Variants in PIAS4 observed in about 807,000 individuals in gnomAD.
PIAS4 encodes the protein protein inhibitor of activated STAT 4.
PIAS4 carries 7 observed loss-of-function variants against 58.0 expected under a neutral mutation model. The ratio of observed to expected loss-of-function variants is 0.12; its 90% CI spans 0.07 to 0.23. PIAS4 has a LOEUF of 0.23. PIAS4 is among the 10% of genes least tolerant of loss of function. The probability of loss-of-function intolerance (pLI) is 1.00; values close to 1 mark genes in which losing one functional copy is unlikely to be tolerated. For missense variants in PIAS4, 550 were observed against 709.5 expected, an observed-to-expected ratio of 0.78 and a Z score of 2.55; for synonymous variants, 364 against 312.4, an observed-to-expected ratio of 1.17 and a Z score of -1.74.
At chr19:4,021,749 T>C (rs968628363) in intron 2 of PIAS4, among the ~76,000 whole-genome samples, 22 of 146,504 alleles carry the variant, frequency 1.5e-4, no homozygotes, top group African/African-American at 2.8e-4. Context: ...TTTCTTTTTT[T>C]TTTTTTTTTT....
chr19:4,025,742 C>T (rs2040157262), intron 3 of PIAS4, among the ~76,000 whole-genome samples: 1 of 150,274 alleles, frequency 6.7e-6, no homozygotes, highest in South Asian at 2.1e-4. Context: ...CACTGGGTCC[C>T]TGCTGCAGAG....
chr19:4,029,920 T>A (rs1483081010), intron 7 of PIAS4, among the ~76,000 whole-genome samples: 1 of 144,284 alleles, frequency 6.9e-6, no homozygotes, highest in Non-Finnish European at 1.5e-5. Flanking sequence ...CCTCCTGGGT[T>A]CAAGCGATTC....
intron 7 of PIAS4, among the ~76,000 whole-genome samples, chr19:4,032,383 C>G (rs889343100): frequency 6.6e-6 from 1 of 152,144 alleles, no homozygotes; most frequent in African/African-American, 2.4e-5. Context: ...GGGGTCTCTC[C>G]TGAGCTACCC....
intron 7 of PIAS4, among the ~76,000 whole-genome samples, chr19:4,029,846 A>T (rs1288278838): frequency 8.6e-6 from 1 of 116,676 alleles, no homozygotes; most frequent in Non-Finnish European, 1.7e-5. Flanking sequence ...TTTTTGAGAC[A>T]GAGTCTCACT....
chr19:4,026,934 G>A lies in PIAS4; in HGVS notation c.540-1212G>A, dbSNP rs189008479. On this transcript the variant is annotated intron_variant, in intron 3 of 10. Transcript: ENST00000262971. ...ACGATCTTGGCTCACTGCAAGCTCT[G>A]CCTCCTGGGTTCACGCCATTCTCCT... Among the ~76,000 whole-genome samples, 173 of 152,052 alleles carry A rather than the reference G, an allele frequency of 1.1e-3. No homozygotes were observed. In the Middle Eastern group the frequency reaches 0.021, roughly 18 times the overall value.
At chr19:4,009,984 C>T (rs2039977268) in intron 1 of PIAS4, among the ~76,000 whole-genome samples, 1 of 152,136 alleles carries the variant, frequency 6.6e-6, no homozygotes, top group Admixed American at 6.5e-5. Flanking sequence ...TCTGAGGGGC[C>T]TATGCTGGAG....
Position 4,037,926 on chromosome 19 carries a change from G to T in PIAS4, c.*51G>T. Reference sequence around the variant, plus strand: ...GGTGCTCACCACGCAGAGGGGCACGGGCCAGCCTCGGGCGCAGAGGGAGGA... The same window carrying T: ...GGTGCTCACCACGCAGAGGGGCACGTGCCAGCCTCGGGCGCAGAGGGAGGA... On this transcript the variant is annotated 3_prime_UTR_variant, in exon 11 of 11. Transcript: ENST00000262971. This position sits in a 1 kb window ranked among gnomAD's most constrained non-coding sequence, Gnocchi z 5.8. The T allele has an allele frequency of 6.5e-7, 1 of 1,529,616 alleles. No homozygotes were observed. The highest frequency in any genetic ancestry group is 1.2e-5 in the South Asian group (1 of 82,626). The allele number at this position is 1,529,616 out of a possible 1,614,324, so 94.8% of individuals were successfully genotyped here. A position where few individuals can be genotyped will look rare whatever the true frequency, so the allele number is the denominator to read the frequency against.
chr19:4,033,002 C>T (rs528772051), intron 7 of PIAS4, 98 bp from the exon 8 acceptor site: 2 of 952,752 alleles, frequency 2.1e-6, no homozygotes, highest in Non-Finnish European at 3.3e-6. Flanking sequence ...GGGGCCTGTT[C>T]TGGGAGGTGG....
At chr19:4,007,936 T>G in intron 1 of PIAS4, 149 bp downstream of exon 1, 1 of 466,704 alleles carries the variant, frequency 2.1e-6, no homozygotes, top group South Asian at 1.0e-4. Flanking sequence ...CGACCCCCGG[T>G]CTCAGGGTGA....
chr19:4,031,720 CAG>C (rs993949590), intron 7 of PIAS4, among the ~76,000 whole-genome samples: 59 of 152,166 alleles, frequency 3.9e-4, no homozygotes, highest in Non-Finnish European at 6.9e-4. Context: ...CTGCTTCCCA[CAG>C]CCGGCCCCAG....
intron 2 of PIAS4, among the ~76,000 whole-genome samples, chr19:4,014,631 G>A (rs1317306755): frequency 6.6e-6 from 1 of 152,196 alleles, no homozygotes; most frequent in Non-Finnish European, 1.5e-5. Flanking sequence ...GGCACCAGGC[G>A]TGGGCACGCA....
intron 9 of PIAS4, among the ~76,000 whole-genome samples, chr19:4,034,759 G>A (rs2040258312): frequency 6.6e-6 from 1 of 152,210 alleles, no homozygotes; most frequent in African/African-American, 2.4e-5. Context: ...AGGCAGCTGT[G>A]TCCCATGCAG....
intron 3 of PIAS4, among the ~76,000 whole-genome samples, chr19:4,024,445 G>A (rs1327824535): frequency 2.0e-5 from 3 of 152,180 alleles, no homozygotes; most frequent in Non-Finnish European, 4.4e-5. Flanking sequence ...CTCCACCCAC[G>A]CCATGACAAG....
At chr19:4,024,820 C>T (rs1159864198) in intron 3 of PIAS4, among the ~76,000 whole-genome samples, 3 of 151,976 alleles carry the variant, frequency 2.0e-5, no homozygotes, top group Non-Finnish European at 4.4e-5. Context: ...GGCTGGAGTG[C>T]AGTGGCGCGA....
intron 3 of PIAS4, among the ~76,000 whole-genome samples, chr19:4,024,412 G>C (rs1038769102): frequency 1.3e-5 from 2 of 152,228 alleles, no homozygotes; most frequent in Non-Finnish European, 2.9e-5. Flanking sequence ...GGGCATTGCA[G>C]GGAGCGGAGG....
chr19:4,009,649 TG>T (rs1178994317), intron 1 of PIAS4, among the ~76,000 whole-genome samples: 2 of 151,826 alleles, frequency 1.3e-5, no homozygotes, highest in Non-Finnish European at 2.9e-5. Context: ...GCCTGGACCC[TG>T]GGGAACCTTC....
intron 7 of PIAS4, among the ~76,000 whole-genome samples, chr19:4,031,261 C>T (rs1009808370): frequency 6.6e-6 from 1 of 152,184 alleles, no homozygotes; most frequent in Admixed American, 6.5e-5. Context: ...GGCCTGCGAG[C>T]CCCATCGTGT....
At position 4,037,334 on chromosome 19, in the gene PIAS4, G is replaced by GGGGGGGGGGGGC; in HGVS notation, c.1143-40_1143-39insGGGGGGGGGGGC. On this transcript the variant is annotated intron_variant, in intron 9 of 10. Transcript: ENST00000262971. The surrounding 1 kb of genome is among the most constrained non-coding windows in gnomAD (Gnocchi z 5.8). ...AGGGCTGGGGAGTTGGGGGGGTGGGGCACCTCCAGCCCCGGCGTCAGCTGT... is the reference window on the plus strand; with the variant it reads ...AGGGCTGGGGAGTTGGGGGGGTGGGGGGGGGGGGGGGCCACCTCCAGCCCCGGCGTCAGCTGT... 1 of 1,511,096 alleles carries GGGGGGGGGGGGC rather than the reference G, an allele frequency of 6.6e-7. No homozygotes were observed. The highest frequency in any genetic ancestry group is 9.0e-7 in the Non-Finnish European group (1 of 1,107,224). 93.6% of individuals were successfully genotyped at this position (1,511,096 alleles called of 1,614,324 possible). A position where few individuals can be genotyped will look rare whatever the true frequency, so the allele number is the denominator to read the frequency against.
chr19:4,038,433 G>A lies in PIAS4; in HGVS notation c.*558G>A, dbSNP rs1405033279. ...TAGCCGAGAAGCCATGGAGTGGGTTGGGGCGGGGAGGGGCAGTAGGGTGGG... is the reference window on the plus strand; with the variant it reads ...TAGCCGAGAAGCCATGGAGTGGGTTAGGGCGGGGAGGGGCAGTAGGGTGGG... On this transcript the variant is annotated 3_prime_UTR_variant, in exon 11 of 11. Transcript: ENST00000262971. This position sits in a 1 kb window ranked among gnomAD's most constrained non-coding sequence, Gnocchi z 4.1. The A allele has an allele frequency of 6.6e-6, 1 of 152,036 alleles. No homozygotes were observed. Among genetic ancestry groups the A allele is most frequent in the African/African-American group, 2.4e-5 (1 of 41,370 alleles). 9.4% of individuals were successfully genotyped at this position (152,036 alleles called of 1,614,324 possible).
Sources: allele counts gnomAD v4.1 joint callset (sites outside exome capture counted in the v4.1 genomes callset), GRCh38; gene constraint gnomAD v4.1.1; non-coding constraint Gnocchi (gnomAD v3.1); transcripts MANE v1.5; gene names NCBI Gene and HGNC (gene_info 2026-07-23, HGNC 2026-07-21).